Variants in PLXNC1 observed in about 807,000 individuals in gnomAD.
PLXNC1 encodes plexin-C1.
In PLXNC1, 75 loss-of-function variants were observed where a neutral mutation model predicts 178.2. The observed-to-expected ratio is 0.42, with a 90% CI of 0.35 to 0.51. PLXNC1 has a LOEUF of 0.51. Ranked by LOEUF, PLXNC1 falls within the 20% of genes least tolerant of loss-of-function variation. The probability of loss-of-function intolerance (pLI) is 0.02; values close to 1 mark genes in which losing one functional copy is unlikely to be tolerated. For synonymous variants in PLXNC1, 790 were observed against 779.9 expected (o/e 1.01, Z -0.22); for missense variants, 1,503 against 1,984.4 (o/e 0.76, Z 4.61).
In PLXNC1 at chr12:94,247,932, C is replaced by T. The variant is rs373705486; in HGVS notation, c.2418C>T (p.Cys806=). Residue 806 remains cysteine, a synonymous_variant, in exon 13 of 31, where the codon TGC becomes TGT. Transcript: ENST00000258526. ...NVSEYCVATY[C]GFLAPSLKSS... Reference sequence around the variant, plus strand: ...CTGAATATTGTGTGGCGACTTACTGCGGGTTTTTAGCCCCCAGTTTAAAGA... The same window carrying T: ...CTGAATATTGTGTGGCGACTTACTGTGGGTTTTTAGCCCCCAGTTTAAAGA... The T allele has an allele frequency of 8.0e-5, 129 of 1,613,838 alleles. No homozygotes were observed. Among genetic ancestry groups the T allele is most frequent in the Non-Finnish European group, 9.7e-5 (115 of 1,179,956 alleles).
intron 5 of PLXNC1, among the ~76,000 whole-genome samples, chr12:94,217,798 A>G (rs2136015283): frequency 6.6e-6 from 1 of 152,304 alleles, no homozygotes; most frequent in South Asian, 2.1e-4. Context: ...TTCTGGTGGA[A>G]TGTTCTATAC....
intron 17 of PLXNC1, among the ~76,000 whole-genome samples, chr12:94,257,378 T>G (rs1964873232): frequency 6.6e-6 from 1 of 152,318 alleles, no homozygotes; most frequent in African/African-American, 2.4e-5. Flanking sequence ...TATTGACTCT[T>G]CTTTGCTTTG....
chr12:94,181,093 C>T (rs1962284450), intron 2 of PLXNC1, among the ~76,000 whole-genome samples: 1 of 151,850 alleles, frequency 6.6e-6, no homozygotes, highest in Non-Finnish European at 1.5e-5. Flanking sequence ...TTTTTGCCAC[C>T]CTGCTATTCA....
intron 4 of PLXNC1, among the ~76,000 whole-genome samples, chr12:94,187,042 C>T (rs1228148773): frequency 6.6e-6 from 1 of 152,236 alleles, no homozygotes; most frequent in African/African-American, 2.4e-5. Flanking sequence ...GGAGCGGCTT[C>T]CCCGCCATGG....
intron 1 of PLXNC1, among the ~76,000 whole-genome samples, chr12:94,155,636 C>T (rs1348983423): frequency 6.6e-6 from 1 of 152,148 alleles, no homozygotes; most frequent in Non-Finnish European, 1.5e-5. Context: ...AAAGACTTGC[C>T]ATTTTTGGGC....
intron 1 of PLXNC1, chr12:94,150,696 C>G (rs1592712340): frequency 6.6e-6 from 1 of 152,530 alleles, no homozygotes; most frequent in Non-Finnish European, 1.5e-5. Context: ...TCAGGGTGCG[C>G]TGTGGTCGCC....
chr12:94,257,907 T>TAAA (rs1475622366), intron 17 of PLXNC1, among the ~76,000 whole-genome samples: 8 of 100,670 alleles, frequency 7.9e-5, no homozygotes, highest in African/African-American at 1.8e-4. Flanking sequence ...AGACTCTGTC[T>TAAA]CAAAAAAAAT....
intron 2 of PLXNC1, among the ~76,000 whole-genome samples, chr12:94,177,095 A>ATATATATGTGTGTGTG (rs1257172539): frequency 4.2e-5 from 6 of 142,914 alleles, no homozygotes; most frequent in Admixed American, 2.9e-4. Context: ...ATATGTGTAT[A>ATATATATGTGTGTGTG]TATATATGTG....
intron 5 of PLXNC1, among the ~76,000 whole-genome samples, chr12:94,215,556 T>TGATAGATA (rs3032367): frequency 0.33 from 49,454 of 149,136 alleles, 8,776 homozygotes; most frequent in Admixed American, 0.39. Context: ...CAAACATAGA[T>TGATAGATA]GATAGATAGA....
At chr12:94,261,503 G>A (rs1964986821) in intron 20 of PLXNC1, among the ~76,000 whole-genome samples, 1 of 152,228 alleles carries the variant, frequency 6.6e-6, no homozygotes, top group Non-Finnish European at 1.5e-5. Flanking sequence ...CTATTTTGAA[G>A]TACAGATGAG....
chr12:94,305,511 T>C lies in PLXNC1; in HGVS notation c.*226T>C. On this transcript the variant is annotated 3_prime_UTR_variant, in exon 31 of 31. Transcript: ENST00000258526. ...CCTTCTGTAAATAGAGTTGAAGTGG[T>C]TGTTGCAAACAGCCTCCTTGTTTAC... 4.3e-6 allele frequency: 2 copies of C among 460,608 alleles called. No individual in the cohort carries two copies. The highest frequency in any genetic ancestry group is 7.8e-6 in the Non-Finnish European group (2 of 257,582). 28.5% of individuals were successfully genotyped at this position (460,608 alleles called of 1,614,324 possible). A position where few individuals can be genotyped will look rare whatever the true frequency, so the allele number is the denominator to read the frequency against.
chr12:94,154,317 G>A (rs1220148164), intron 1 of PLXNC1, among the ~76,000 whole-genome samples: 3 of 152,138 alleles, frequency 2.0e-5, no homozygotes, highest in Non-Finnish European at 4.4e-5. Flanking sequence ...CCAGCTCTAC[G>A]ACCTGAGCTT....
At chr12:94,241,170 T>C (rs1356647856) in intron 11 of PLXNC1, among the ~76,000 whole-genome samples, 1 of 152,202 alleles carries the variant, frequency 6.6e-6, no homozygotes, top group Non-Finnish European at 1.5e-5. Context: ...AAAACATTTA[T>C]CTCCCTAGTT....
chr12:94,262,665 C>A (rs773491975), intron 20 of PLXNC1: 7 of 985,314 alleles, frequency 7.1e-6, no homozygotes, highest in Non-Finnish European at 8.4e-6. Context: ...TGATGTCCCT[C>A]CACCAGGTGC....
chr12:94,246,904 G>A (rs889805332), intron 12 of PLXNC1, among the ~76,000 whole-genome samples: 12 of 151,700 alleles, frequency 7.9e-5, no homozygotes, highest in Non-Finnish European at 1.5e-4. Flanking sequence ...TGGCGGGGGT[G>A]GGGGAAAAAT....
chr12:94,288,814 T>C (rs917327768), intron 23 of PLXNC1, among the ~76,000 whole-genome samples: 3 of 152,260 alleles, frequency 2.0e-5, no homozygotes, highest in Admixed American at 1.3e-4. Flanking sequence ...GCATGTGGAA[T>C]AGAATTCTGT....
At chr12:94,237,854 G>A (rs1165995077) in intron 10 of PLXNC1, 51 bp downstream of exon 10, 4 of 1,581,990 alleles carry the variant, frequency 2.5e-6, no homozygotes, top group Middle Eastern at 3.3e-4. Flanking sequence ...GCTCAAACCT[G>A]TGCCAAAGGA....
intron 10 of PLXNC1, 32 bp downstream of exon 10, chr12:94,237,835 T>C (rs1268342391): frequency 6.2e-7 from 1 of 1,606,092 alleles, no homozygotes; most frequent in East Asian, 2.2e-5. Flanking sequence ...TTATCCTCGG[T>C]AACGTAACGC....
At chr12:94,201,230 T>C (rs1369424437) in intron 4 of PLXNC1, among the ~76,000 whole-genome samples, 1 of 152,248 alleles carries the variant, frequency 6.6e-6, no homozygotes, top group East Asian at 1.9e-4. Flanking sequence ...AACAGAGCTG[T>C]GATTAAGAAT....
Sources: allele counts gnomAD v4.1 joint callset (sites outside exome capture counted in the v4.1 genomes callset), GRCh38; gene constraint gnomAD v4.1.1; transcripts MANE v1.5; gene names NCBI Gene and HGNC (gene_info 2026-07-23, HGNC 2026-07-21).